The following ACADSB variants were observed in gnomAD, a reference collection of about 807,000 sequenced individuals.
The protein encoded by ACADSB is acyl-CoA dehydrogenase short/branched chain.
A neutral mutation model predicts 54.1 loss-of-function variants in ACADSB; 40 were observed. The observed-to-expected ratio is 0.74, with a 90% CI of 0.57 to 0.96. The LOEUF (loss-of-function observed/expected upper bound fraction) is 0.96. ACADSB is among the 40% of genes least tolerant of loss of function. The pLI is 0.00. For missense variants in ACADSB, 530 were observed against 510.4 expected, an observed-to-expected ratio of 1.04 and a Z score of -0.37; for synonymous variants, 182 against 182.8, an observed-to-expected ratio of 1.00 and a Z score of 0.03.
In ACADSB at chr10:123,053,963, C is replaced by A; in HGVS notation, c.*198C>A. 1.6e-6 allele frequency: 1 copy of A among 619,462 alleles called. No individual in the cohort carries two copies. The highest frequency in any genetic ancestry group is 2.8e-6 in the Non-Finnish European group (1 of 351,424). The allele number at this position is 619,462 out of a possible 1,614,324, so 38.4% of individuals were successfully genotyped here. A position where few individuals can be genotyped will look rare whatever the true frequency, so the allele number is the denominator to read the frequency against. On this transcript the variant is annotated 3_prime_UTR_variant, in exon 11 of 11. Transcript: ENST00000358776. ...GCTGTTTAACTTAGGCACAGGAGAT[C>A]CACTTTTAAACTTGGGAAATAAGCA...
chr10:123,025,722 A>C (rs1231357625), intron 1 of ACADSB, among the ~76,000 whole-genome samples: 2 of 152,350 alleles, frequency 1.3e-5, no homozygotes, highest in Middle Eastern at 3.4e-3. Context: ...GTTTGTAGAC[A>C]TATGAAAACA....
At chr10:123,014,288 C>G (rs1850083591) in intron 1 of ACADSB, among the ~76,000 whole-genome samples, 1 of 152,192 alleles carries the variant, frequency 6.6e-6, no homozygotes, top group South Asian at 2.1e-4. Context: ...GAGCAGCTGA[C>G]TCATTATAAA....
At chr10:123,030,958 A>C (rs1242068867) in intron 1 of ACADSB, among the ~76,000 whole-genome samples, 4 of 152,226 alleles carry the variant, frequency 2.6e-5, no homozygotes, top group African/African-American at 9.6e-5. Flanking sequence ...TTTTTCCCCA[A>C]AGACGCTAGA....
intron 8 of ACADSB, among the ~76,000 whole-genome samples, chr10:123,048,054 A>C (rs1850582656): frequency 6.6e-6 from 1 of 151,818 alleles, no homozygotes; most frequent in Non-Finnish European, 1.5e-5. Context: ...GCAGCTTACC[A>C]AACCTTTTAG....
rs1850456163 is a variant in ACADSB at position 123,040,468 on chromosome 10, G to C, written c.306G>C (p.Leu102Phe). The change falls in exon 4 of 11, where the codon TTG (leucine) becomes TTC (phenylalanine). Residue 102 changes from leucine to phenylalanine, a missense_variant and splice_region_variant. Transcript: ENST00000358776. ...SVIQGLFQQGLMGIEVDPEYG... is the reference protein window; with the variant it reads ...SVIQGLFQQGFMGIEVDPEYG... ...ATGTTGCCTTGTTTTTTCTTTAGTT[G>C]ATGGGTATTGAAGTTGACCCAGAAT... is the stretch of plus-strand genomic sequence containing the variant. The C allele has an allele frequency of 6.2e-7, 1 of 1,613,254 alleles. No individual in the cohort carries two copies.
chr10:123,038,907 C>A (rs1028865374), intron 3 of ACADSB, among the ~76,000 whole-genome samples: 3 of 152,176 alleles, frequency 2.0e-5, no homozygotes, highest in Admixed American at 6.5e-5. Context: ...TGCTTGCAGA[C>A]CCTCTAGGCT....
At chr10:123,026,611 A>G (rs1850255100) in intron 1 of ACADSB, among the ~76,000 whole-genome samples, 1 of 152,168 alleles carries the variant, frequency 6.6e-6, no homozygotes, top group Admixed American at 6.5e-5. Flanking sequence ...TCTAAAAACA[A>G]AAACCTTGGT....
chr10:123,015,077 G>T (rs1277497919), intron 1 of ACADSB, among the ~76,000 whole-genome samples: 1 of 152,230 alleles, frequency 6.6e-6, no homozygotes, highest in Non-Finnish European at 1.5e-5. Flanking sequence ...TCTTCTGCCA[G>T]TTCCTACATG....
chr10:123,045,707 A>G (rs1192478958), intron 7 of ACADSB, among the ~76,000 whole-genome samples: 2 of 152,228 alleles, frequency 1.3e-5, no homozygotes, highest in African/African-American at 4.8e-5. Context: ...CAGTTCTCTT[A>G]AAAGTTTTTC....
Position 123,037,852 on chromosome 10 carries a change from A to C in ACADSB, c.303+5A>C, listed in dbSNP as rs762895892. 1.9e-6 allele frequency: 3 copies of C among 1,540,322 alleles called. No homozygotes were observed. Among genetic ancestry groups the C allele is most frequent in the Admixed American group, 3.3e-5 (2 of 59,868 alleles). ...CAAGGATTATTTCAACAAGGGGTAC[A>C]TTTCATAATTCTTCCACTTTCAAGC... is the stretch of plus-strand genomic sequence containing the variant. On this transcript the variant is annotated splice_donor_5th_base_variant and intron_variant, in intron 3 of 10. Coordinates refer to ENST00000358776, the MANE Select transcript of ACADSB (RefSeq NM_001609.4).
At chr10:123,021,758 T>C (rs1200188704) in intron 1 of ACADSB, among the ~76,000 whole-genome samples, 1 of 152,244 alleles carries the variant, frequency 6.6e-6, no homozygotes, top group Non-Finnish European at 1.5e-5. Context: ...GCAGTTTCTA[T>C]GACTTAATAA....
chr10:123,046,775 G>A (rs1052914988), intron 7 of ACADSB, among the ~76,000 whole-genome samples: 3 of 152,192 alleles, frequency 2.0e-5, no homozygotes, highest in African/African-American at 7.2e-5. Context: ...AGAAAGTTAA[G>A]AAGTGACCTT....
chr10:123,034,040 T>C (rs1850362893), intron 1 of ACADSB, among the ~76,000 whole-genome samples: 1 of 152,206 alleles, frequency 6.6e-6, no homozygotes. Flanking sequence ...ATAGTTCCAG[T>C]TTCCCCTTCT....
At chr10:123,023,226 C>G (rs867815040) in intron 1 of ACADSB, among the ~76,000 whole-genome samples, 2 of 152,180 alleles carry the variant, frequency 1.3e-5, no homozygotes, top group South Asian at 4.1e-4. Flanking sequence ...ATGCCAAACC[C>G]TGACACCTCA....
chr10:123,051,118 G>C lies in ACADSB; in HGVS notation c.1060G>C (p.Ala354Pro), dbSNP rs200548567. 6.3e-7 allele frequency: 1 copy of C among 1,598,098 alleles called. No individual in the cohort carries two copies. Among genetic ancestry groups the C allele is most frequent in the Admixed American group, 1.7e-5 (1 of 58,326 alleles). ...TGCAAGATTACTAACATACAATGCT[G>C]CTAGGCTTTTAGAAGCTGGAAAGCC... ...EAARLLTYNA[A>P]RLLEAGKPFI... The change falls in exon 9 of 11, where the codon GCT becomes CCT. Residue 354 changes from alanine (A) to proline (P), a missense_variant. Transcript: ENST00000358776.
chr10:123,036,034 C>T (rs547347556), intron 2 of ACADSB, among the ~76,000 whole-genome samples: 59 of 152,238 alleles, frequency 3.9e-4, no homozygotes, highest in African/African-American at 1.1e-3. Context: ...TATACACCAG[C>T]GGCTGGGAAT....
rs114839552 is a variant in ACADSB, at chr10:123,046,320, T to C, written c.901-889T>C. Among the ~76,000 whole-genome samples the C allele has an allele frequency of 2.1e-3, 326 of 152,350 alleles. 2 individuals carry two copies. Among genetic ancestry groups the C allele is most frequent in the African/African-American group, 7.6e-3 (315 of 41,578 alleles). ...GCATTTCCCCCAAAAGCTTTAGCTA[T>C]TGATTTTCTAAAACCATAATTTGAC... is the stretch of plus-strand genomic sequence containing the variant. On this transcript the variant is annotated intron_variant, in intron 7 of 10. Coordinates refer to ENST00000358776, the MANE Select transcript of ACADSB (RefSeq NM_001609.4).
Position 123,053,062 on chromosome 10 carries a change from T to C in ACADSB, c.1130T>C (p.Ile377Thr). Residue 377 changes from isoleucine (I) to threonine (T), a missense_variant and splice_region_variant, in exon 10 of 11, where the codon ATT becomes ACT. Coordinates refer to ENST00000358776, the MANE Select transcript of ACADSB (RefSeq NM_001609.4). ...ASMAKYYASE[I>T]AGQTTSKCIE... ...GTGATTTGCACTTGCTTTTGGTAGATTGCAGGACAAACAACGAGTAAATGT... is the reference window on the plus strand; with the variant it reads ...GTGATTTGCACTTGCTTTTGGTAGACTGCAGGACAAACAACGAGTAAATGT... The C allele has an allele frequency of 1.9e-6, 3 of 1,613,436 alleles. No homozygotes were observed. Among genetic ancestry groups the C allele is most frequent in the Non-Finnish European group, 2.5e-6 (3 of 1,179,424 alleles).
intron 1 of ACADSB, among the ~76,000 whole-genome samples, chr10:123,016,595 T>C (rs1850112193): frequency 6.6e-6 from 1 of 152,232 alleles, no homozygotes; most frequent in South Asian, 2.1e-4. Flanking sequence ...ATATTTAGTT[T>C]GCTTTAAGAG....
Sources: gnomAD v4.1 joint callset for allele counts (sites outside exome capture counted in the v4.1 genomes callset) on GRCh38, gnomAD v4.1.1 for gene constraint, MANE v1.5 for transcripts, NCBI Gene and HGNC (gene_info 2026-07-23, HGNC 2026-07-21) for gene names.